ADD2: variants seen among roughly 807,000 people sequenced by gnomAD.
ADD2 encodes the protein beta-adducin.
ADD2 carries 23 observed loss-of-function variants against 83.0 expected under a neutral mutation model. The observed-to-expected ratio is 0.28, with a 90% confidence interval of 0.20 to 0.39. The LOEUF (loss-of-function observed/expected upper bound fraction) is 0.39, where lower values mean the gene tolerates loss of function less well. Ranked by LOEUF, ADD2 falls within the 10% of genes least tolerant of loss-of-function variation. The probability of loss-of-function intolerance (pLI) is 1.00; values close to 1 mark genes in which losing one functional copy is unlikely to be tolerated. For synonymous variants in ADD2, 375 were observed against 375.4 expected, an observed-to-expected ratio of 1.00 and a Z score of 0.01; for missense variants, 758 against 944.9, an observed-to-expected ratio of 0.80 and a Z score of 2.59.
intron 1 of ADD2, among the ~76,000 whole-genome samples, chr2:70,729,446 A>G (rs1362251748): frequency 6.6e-6 from 1 of 152,098 alleles, no homozygotes; most frequent in South Asian, 2.1e-4. Context: ...AGAAATTTCT[A>G]TTTACCTTGT....
chr2:70,709,121 C>T (rs894480783), intron 2 of ADD2, among the ~76,000 whole-genome samples: 1 of 152,114 alleles, frequency 6.6e-6, no homozygotes, highest in African/African-American at 2.4e-5. Flanking sequence ...CTCCAAATGC[C>T]ACCATGGCCC....
Position 70,676,441 on chromosome 2 carries a change from G to T in ADD2, c.1593+355C>A. The T allele has an allele frequency of 8.1e-7, 1 of 1,233,312 alleles. No homozygotes were observed. The highest frequency in any genetic ancestry group is 1.0e-6 in the Non-Finnish European group (1 of 983,330). The allele number at this position is 1,233,312 out of a possible 1,614,324, so 76.4% of individuals were successfully genotyped here. On this transcript the variant is annotated intron_variant, in intron 13 of 15. Transcript: ENST00000264436. This position sits in a 1 kb window ranked among gnomAD's most constrained non-coding sequence, Gnocchi z 4.8. Reference sequence around the variant, plus strand: ...GACTCTCAGGGCTGGGCACACCTGGGGCACCTGGGAGTCTCCAGCCCCAAG... The same window carrying T: ...GACTCTCAGGGCTGGGCACACCTGGTGCACCTGGGAGTCTCCAGCCCCAAG...
chr2:70,660,528 C>T lies in ADD2; in HGVS notation c.*2897G>A, dbSNP rs1470042731. 1 of 152,402 alleles carries T rather than the reference C, an allele frequency of 6.6e-6. No individual in the cohort carries two copies. The highest frequency in any genetic ancestry group is 2.1e-4 in the South Asian group (1 of 4,830). The allele number at this position is 152,402 out of a possible 1,614,324, so 9.4% of individuals were successfully genotyped here. ...TCCTAAAATGCAATTCTGATCATGA[C>T]TCTATCCTGATTTAAAGGCTCCAGT... On this transcript the variant is annotated 3_prime_UTR_variant, in exon 16 of 16. Transcript: ENST00000264436.
intron 1 of ADD2, among the ~76,000 whole-genome samples, chr2:70,731,440 C>G (rs1474924842): frequency 2.0e-5 from 3 of 152,160 alleles, no homozygotes. Flanking sequence ...GGGGACACTT[C>G]TTTATTGAAA....
At chr2:70,681,771 G>A (rs184254444) in intron 10 of ADD2, among the ~76,000 whole-genome samples, 344 of 150,212 alleles carry the variant, frequency 2.3e-3, no homozygotes, top group African/African-American at 8.2e-3. Flanking sequence ...ATGCTTCATT[G>A]CCTTGGATTG....
chr2:70,765,314 C>T (rs1675325914), intron 1 of ADD2, among the ~76,000 whole-genome samples: 1 of 152,230 alleles, frequency 6.6e-6, no homozygotes, highest in African/African-American at 2.4e-5. Flanking sequence ...GATCATGCCA[C>T]TGCGCTCCAG....
intron 15 of ADD2, among the ~76,000 whole-genome samples, chr2:70,665,709 T>C (rs1311237131): frequency 6.6e-6 from 1 of 152,178 alleles, no homozygotes; most frequent in Non-Finnish European, 1.5e-5. Flanking sequence ...TTCAAGTCTC[T>C]CCTGATCCTC....
At chr2:70,742,433 T>G (rs1553381286) in intron 1 of ADD2, among the ~76,000 whole-genome samples, 1 of 152,134 alleles carries the variant, frequency 6.6e-6, no homozygotes, top group Non-Finnish European at 1.5e-5. Context: ...TTAGCTAACT[T>G]TTAATATTTA....
chr2:70,676,724 C>A lies in ADD2; in HGVS notation c.1593+72G>T, dbSNP rs995334020. Reference sequence around the variant, plus strand: ...GTATGAGGACTCAGGGGTCCTGCAACCCAGCCCCAGGCACAGAAGACCCCG... The same window carrying A: ...GTATGAGGACTCAGGGGTCCTGCAAACCAGCCCCAGGCACAGAAGACCCCG... On this transcript the variant is annotated intron_variant, in intron 13 of 15. Coordinates refer to ENST00000264436, the MANE Select transcript of ADD2 (RefSeq NM_001617.4). This position sits in a 1 kb window ranked among gnomAD's most constrained non-coding sequence, Gnocchi z 4.8. 2 of 1,603,118 alleles carry A rather than the reference C, an allele frequency of 1.2e-6. No homozygotes were observed. The highest frequency in any genetic ancestry group is 8.5e-7 in the Non-Finnish European group (1 of 1,174,186).
intron 2 of ADD2, among the ~76,000 whole-genome samples, chr2:70,708,089 C>T (rs1671995000): frequency 6.6e-6 from 1 of 152,206 alleles, no homozygotes; most frequent in Non-Finnish European, 1.5e-5. Flanking sequence ...TACCAGAACT[C>T]CACACACTAC....
At chr2:70,708,941 A>G (rs1252646621) in intron 2 of ADD2, among the ~76,000 whole-genome samples, 1 of 152,178 alleles carries the variant, frequency 6.6e-6, no homozygotes, top group Non-Finnish European at 1.5e-5. Context: ...CATTTTCTGT[A>G]GGTCACTTTC....
intron 1 of ADD2, among the ~76,000 whole-genome samples, chr2:70,758,739 G>A (rs1326101971): frequency 2.6e-5 from 4 of 152,164 alleles, no homozygotes; most frequent in African/African-American, 9.7e-5. Context: ...GGTTAAGGCT[G>A]CAGTGAGCCA....
chr2:70,663,874 G>T, intron 15 of ADD2, 139 bp from the exon 16 acceptor site: 1 of 907,088 alleles, frequency 1.1e-6, no homozygotes, highest in Non-Finnish European at 1.6e-6. Flanking sequence ...GTTGAGGGAT[G>T]GCTACCAGAG....
At chr2:70,677,010 A>G in intron 12 of ADD2, 125 bp from the exon 13 acceptor site, 1 of 1,425,608 alleles carries the variant, frequency 7.0e-7, no homozygotes, top group Non-Finnish European at 9.3e-7. Flanking sequence ...CCCGTCACCT[A>G]TCCTAATGCA....
At chr2:70,674,631 C>T (rs781955084) in intron 14 of ADD2, 47 bp downstream of exon 14, 3 of 1,587,124 alleles carry the variant, frequency 1.9e-6, no homozygotes, top group Non-Finnish European at 2.6e-6. Context: ...GCTCTCCCCT[C>T]CACCCTGGGG....
In ADD2 at chr2:70,704,423, G is replaced by C; in HGVS notation, c.220C>G (p.Gln74Glu). The change falls in exon 4 of 16, where the codon CAG (glutamine) becomes GAG (glutamate). Residue 74 changes from glutamine (Q) to glutamate (E), a missense_variant. Transcript: ENST00000264436. ...GAGGAGTTGTTCCCCTTCTTCATCT[G>C]CTCCTGGATGAGGCCTTCCAGCTCC... is the stretch of plus-strand genomic sequence containing the variant. The part of the protein sequence containing the change: ...REELEGLIQE[Q>E]MKKGNNSSNI... 1 of 1,614,160 alleles carries C rather than the reference G, an allele frequency of 6.2e-7. No individual in the cohort carries two copies. The highest frequency in any genetic ancestry group is 2.2e-5 in the East Asian group (1 of 44,880).
chr2:70,746,003 G>C (rs1553381921), intron 1 of ADD2, among the ~76,000 whole-genome samples: 1 of 152,220 alleles, frequency 6.6e-6, no homozygotes, highest in African/African-American at 2.4e-5. Flanking sequence ...ACAGGGAAAA[G>C]TTGTAAATAA....
intron 10 of ADD2, among the ~76,000 whole-genome samples, chr2:70,679,545 C>CT (rs1315776769): frequency 6.6e-6 from 1 of 152,192 alleles, no homozygotes; most frequent in Admixed American, 6.5e-5. Context: ...CTGGAGCTGA[C>CT]TGCTTCTTGG....
At position 70,674,742 on chromosome 2, in the gene ADD2, T is replaced by C. The variant is rs115445925; in HGVS notation, c.1677A>G (p.Gln559=). 1.1e-5 allele frequency: 17 copies of C among 1,614,100 alleles called. No homozygotes were observed. In the East Asian group the frequency reaches 3.6e-4, roughly 34 times the overall value. ...ACTCCTCCAACTCCTGGTCAGTGAG[T>C]TGGCTGAAGGGGTTGGGCACCGTCT... ...SEETVPNPFS[Q]LTDQELEEYK... Residue 559 remains glutamine (Q), a synonymous_variant, in exon 14 of 16, where the codon CAA becomes CAG. Transcript: ENST00000264436.
Sources: gnomAD v4.1 joint callset for allele counts (sites outside exome capture counted in the v4.1 genomes callset) on GRCh38, gnomAD v4.1.1 for gene constraint, Gnocchi (gnomAD v3.1) non-coding constraint, MANE v1.5 for transcripts, NCBI Gene and HGNC (gene_info 2026-07-23, HGNC 2026-07-21) for gene names.